TUSC3: variants seen among roughly 807,000 people sequenced by gnomAD.
TUSC3 encodes tumor suppressor candidate 3.
A neutral mutation model predicts 44.8 loss-of-function variants in TUSC3; 45 were observed. The observed-to-expected ratio is 1.00, with a 90% CI of 0.79 to 1.29. The LOEUF is 1.29. TUSC3 is among the 50% of genes most tolerant of loss of function. The pLI is 0.00. For missense variants in TUSC3, 519 were observed against 437.9 expected, an observed-to-expected ratio of 1.19 and a Z score of -1.65; for synonymous variants, 212 against 152.9, an observed-to-expected ratio of 1.39 and a Z score of -2.85.
intron 2 of TUSC3, among the ~76,000 whole-genome samples, chr8:15,505,960 G>C (rs1347729844): frequency 6.6e-6 from 1 of 152,086 alleles, no homozygotes; most frequent in Non-Finnish European, 1.5e-5. Context: ...TAGGCTAAAA[G>C]CAATTTTTAA....
chr8:15,459,588 C>T (rs73534238), intron 1 of TUSC3, among the ~76,000 whole-genome samples: 1 of 151,936 alleles, frequency 6.6e-6, no homozygotes, highest in Non-Finnish European at 1.5e-5. Flanking sequence ...ATACACTGCA[C>T]CCTATTTGTA....
chr8:15,573,202 C>CTCTCTATATATA (rs1435847916), intron 1 of TUSC3, among the ~76,000 whole-genome samples: 22 of 74,180 alleles, frequency 3.0e-4, no homozygotes, highest in Non-Finnish European at 3.8e-4. Context: ...CTCTCTCTCT[C>CTCTCTATATATA]TATATATATA....
chr8:15,704,913 C>T (rs1809556003), intron 6 of TUSC3, among the ~76,000 whole-genome samples: 2 of 150,846 alleles, frequency 1.3e-5, no homozygotes, highest in African/African-American at 4.9e-5. Context: ...CAGTTAGAAC[C>T]CATGCTGGCT....
chr8:15,681,559 CTT>C (rs71211069), intron 6 of TUSC3, among the ~76,000 whole-genome samples: 1 of 145,964 alleles, frequency 6.9e-6, no homozygotes, highest in African/African-American at 2.5e-5. Context: ...GATCTTTTCT[CTT>C]TTTTTTTTTC....
chr8:15,633,784 T>G (rs1001049100), intron 2 of TUSC3, among the ~76,000 whole-genome samples: 1 of 152,176 alleles, frequency 6.6e-6, no homozygotes, highest in Non-Finnish European at 1.5e-5. Context: ...GCCCTACTCA[T>G]ACCTTGATTT....
the TUSC3 span, among the ~76,000 whole-genome samples, chr8:15,833,137 T>A: frequency 6.6e-6 from 1 of 151,924 alleles, no homozygotes; most frequent in Non-Finnish European, 1.5e-5. Context: ...ATTAGAAAAA[T>A]GCAAATCAAA....
chr8:15,830,770 G>T, the TUSC3 span, among the ~76,000 whole-genome samples: 5 of 152,142 alleles, frequency 3.3e-5, no homozygotes, highest in African/African-American at 1.2e-4. Context: ...GAGGAAGGTG[G>T]AAGGGGGATC....
intron 1 of TUSC3, among the ~76,000 whole-genome samples, chr8:15,417,984 G>T (rs540367186): frequency 5.0e-4 from 76 of 152,162 alleles, no homozygotes; most frequent in Non-Finnish European, 5.4e-4. Context: ...TACATGCCTG[G>T]GAAACTCTGA....
At chr8:15,499,673 T>C (rs1800932216) in intron 2 of TUSC3, among the ~76,000 whole-genome samples, 1 of 152,210 alleles carries the variant, frequency 6.6e-6, no homozygotes, top group African/African-American at 2.4e-5. Flanking sequence ...TTAAACATTA[T>C]TCTGGGTGTG....
At chr8:15,576,477 A>G (rs1275468378) in intron 1 of TUSC3, among the ~76,000 whole-genome samples, 1 of 75,084 alleles carries the variant, frequency 1.3e-5, no homozygotes, top group Non-Finnish European at 2.4e-5. Flanking sequence ...CCACCCCACC[A>G]CAGTCCCCAG....
intron 1 of TUSC3, among the ~76,000 whole-genome samples, chr8:15,463,817 C>A (rs974808705): frequency 1.3e-5 from 2 of 152,194 alleles, no homozygotes; most frequent in South Asian, 4.1e-4. Flanking sequence ...GCAATTTATA[C>A]TCATTTCTGA....
chr8:15,725,070 T>C (rs936978328), intron 6 of TUSC3, among the ~76,000 whole-genome samples: 2 of 152,222 alleles, frequency 1.3e-5, no homozygotes, highest in African/African-American at 4.8e-5. Flanking sequence ...TATAAATGGT[T>C]CTTTTTAAAA....
chr8:15,722,210 G>A (rs547104639), intron 6 of TUSC3, among the ~76,000 whole-genome samples: 6 of 151,222 alleles, frequency 4.0e-5, no homozygotes, highest in African/African-American at 1.5e-4. Flanking sequence ...AGCATAGTCT[G>A]CTTAGGGTTT....
intron 1 of TUSC3, among the ~76,000 whole-genome samples, chr8:15,614,288 C>G (rs142750696): frequency 6.6e-6 from 1 of 151,692 alleles, no homozygotes; most frequent in African/African-American, 2.4e-5. Flanking sequence ...TGCCCACTAG[C>G]CTTTATGTAG....
chr8:15,625,159 A>C (rs530471846), intron 2 of TUSC3, among the ~76,000 whole-genome samples: 1 of 152,148 alleles, frequency 6.6e-6, no homozygotes, highest in Non-Finnish European at 1.5e-5. Context: ...TTGATTTTCA[A>C]ATGTTGAACT....
At chr8:15,450,062 A>G (rs1466668234) in intron 1 of TUSC3, among the ~76,000 whole-genome samples, 12 of 152,136 alleles carry the variant, frequency 7.9e-5, no homozygotes, top group Admixed American at 7.9e-4. Flanking sequence ...TTGCCTAACA[A>G]TGCATTTCTC....
chr8:15,650,666 T>C (rs1312786737), intron 2 of TUSC3, 31 bp from the exon 3 acceptor site: 1 of 1,587,068 alleles, frequency 6.3e-7, no homozygotes, highest in Non-Finnish European at 8.7e-7. Flanking sequence ...AGTACTGATG[T>C]GTTTCTACTA....
At chr8:15,501,786 C>A in intron 2 of TUSC3, among the ~76,000 whole-genome samples, 1 of 152,172 alleles carries the variant, frequency 6.6e-6, no homozygotes, top group Admixed American at 6.5e-5. Flanking sequence ...GATTGCCTTA[C>A]TTATTTGTTT....
At chr8:15,776,506 C>T in the TUSC3 span, among the ~76,000 whole-genome samples, 2 of 152,104 alleles carry the variant, frequency 1.3e-5, no homozygotes, top group Non-Finnish European at 2.9e-5. Context: ...AATTTCTCAT[C>T]TGCCCATGTC....
Sources: gnomAD v4.1 joint callset for allele counts (sites outside exome capture counted in the v4.1 genomes callset) on GRCh38, gnomAD v4.1.1 for gene constraint, MANE v1.5 for transcripts, NCBI Gene and HGNC (gene_info 2026-07-23, HGNC 2026-07-21) for gene names.